Variants in TRPM6 observed in about 807,000 individuals in gnomAD.
The protein encoded by TRPM6 is channel kinase 2.
TRPM6 carries 111 observed loss-of-function variants against 247.6 expected under a neutral mutation model. The ratio of observed to expected loss-of-function variants is 0.45; its 90% CI spans 0.38 to 0.52. The LOEUF (loss-of-function observed/expected upper bound fraction) is 0.52, where lower values mean the gene tolerates loss of function less well. Ranked by LOEUF, TRPM6 falls within the 20% of genes least tolerant of loss-of-function variation. The pLI is 0.00. For synonymous variants in TRPM6, 892 were observed against 853.8 expected, an observed-to-expected ratio of 1.04 and a Z score of -0.78; for missense variants, 2,126 against 2,421.5, an observed-to-expected ratio of 0.88 and a Z score of 2.56.
At chr9:74,842,443 T>TCTTAAAA in intron 3 of TRPM6, 100 bp from the exon 4 acceptor site, 1 of 1,168,198 alleles carries the variant, frequency 8.6e-7, no homozygotes, top group East Asian at 2.4e-5. Context: ...ATATACTATT[T>TCTTAAAA]CTTAAAACTT....
At chr9:74,748,278 A>G (rs7870465) in intron 30 of TRPM6, among the ~76,000 whole-genome samples, 3,124 of 152,302 alleles carry the variant, frequency 0.021, 106 homozygotes, top group African/African-American at 0.072. Context: ...AGCACATAAT[A>G]CTTGATGATC....
chr9:74,853,814 G>A (rs1350388499), intron 3 of TRPM6, among the ~76,000 whole-genome samples: 1 of 151,902 alleles, frequency 6.6e-6, no homozygotes, highest in African/African-American at 2.4e-5. Context: ...CTATGACCCT[G>A]CCAAATCCCC....
chr9:74,813,380 T>C (rs1828804484), intron 11 of TRPM6, among the ~76,000 whole-genome samples: 1 of 152,204 alleles, frequency 6.6e-6, no homozygotes, highest in African/African-American at 2.4e-5. Flanking sequence ...AGATTTATAC[T>C]ACAGAATTCC....
At chr9:74,875,266 G>A (rs372594233) in intron 1 of TRPM6, 80 of 455,178 alleles carry the variant, frequency 1.8e-4, no homozygotes, top group South Asian at 9.5e-4. Flanking sequence ...AGGAGGGCTG[G>A]GTGTGGTGAC....
intron 32 of TRPM6, among the ~76,000 whole-genome samples, chr9:74,742,884 T>C (rs1338037683): frequency 6.6e-6 from 1 of 152,224 alleles, no homozygotes; most frequent in Non-Finnish European, 1.5e-5. Flanking sequence ...TCCACTCTCC[T>C]GAATACCAAA....
chr9:74,735,305 G>T (rs1320781402), intron 36 of TRPM6, among the ~76,000 whole-genome samples: 2 of 151,956 alleles, frequency 1.3e-5, no homozygotes, highest in Admixed American at 1.3e-4. Context: ...GAAAAGAGCA[G>T]CCCCAAGTAC....
At chr9:74,838,284 C>T (rs919770786) in intron 5 of TRPM6, among the ~76,000 whole-genome samples, 1 of 152,192 alleles carries the variant, frequency 6.6e-6, no homozygotes, top group Non-Finnish European at 1.5e-5. Context: ...AACTTCCCTA[C>T]CCACCCACTT....
intron 27 of TRPM6, among the ~76,000 whole-genome samples, chr9:74,759,065 C>A (rs891855746): frequency 1.6e-4 from 25 of 151,940 alleles, no homozygotes; most frequent in African/African-American, 6.0e-4. Context: ...AAAATATGTG[C>A]AAGATCAGTA....
intron 8 of TRPM6, 36 bp downstream of exon 8, chr9:74,821,633 C>A: frequency 6.2e-7 from 1 of 1,612,484 alleles, no homozygotes; most frequent in African/African-American, 1.3e-5. Flanking sequence ...AATAAACAGC[C>A]CCTATAGTTT....
intron 27 of TRPM6, among the ~76,000 whole-genome samples, chr9:74,759,084 G>A (rs780422592): frequency 5.9e-5 from 9 of 152,096 alleles, no homozygotes; most frequent in Non-Finnish European, 1.3e-4. Flanking sequence ...TAGTCTAAAA[G>A]CTATAAAACA....
intron 1 of TRPM6, among the ~76,000 whole-genome samples, chr9:74,875,048 A>C (rs1035147116): frequency 7.9e-5 from 12 of 152,032 alleles, no homozygotes; most frequent in African/African-American, 2.7e-4. Flanking sequence ...TACAGGCATA[A>C]GCCACCATGC....
At position 74,778,475 on chromosome 9, in the gene TRPM6, T is replaced by C. The variant is rs139216243; in HGVS notation, c.3210-2399A>G. ...CATGTTGGCTCAGGGGGCACCAGCT[T>C]TGTGCTGCCTCCATAATAGGCAGGA... On this transcript the variant is annotated intron_variant, in intron 23 of 38. Coordinates refer to ENST00000360774, the MANE Select transcript of TRPM6 (RefSeq NM_017662.5). Among the ~76,000 whole-genome samples, 555 of 152,258 alleles carry C rather than the reference T, an allele frequency of 3.6e-3. 2 individuals are homozygous for C. The highest frequency in any genetic ancestry group is 0.013 in the African/African-American group (536 of 41,550).
intron 24 of TRPM6, among the ~76,000 whole-genome samples, chr9:74,774,602 C>A (rs189251326): frequency 1.8e-4 from 27 of 152,242 alleles, no homozygotes; most frequent in African/African-American, 6.3e-4. Flanking sequence ...ATGACCTGTC[C>A]CCCTAAGGAC....
At chr9:74,852,774 G>A (rs1830378237) in intron 3 of TRPM6, among the ~76,000 whole-genome samples, 1 of 152,196 alleles carries the variant, frequency 6.6e-6, no homozygotes, top group South Asian at 2.1e-4. Flanking sequence ...ATTGCAGACG[G>A]AGTCTCGCTC....
Position 74,752,438 on chromosome 9 carries a change from T to A in TRPM6, c.4907-70A>T, listed in dbSNP as rs7868319. ...TTACATTCAAATCACAGTTCCCAAA[T>A]AGAAAAATCTGAACACAGTACATTC... On this transcript the variant is annotated intron_variant, in intron 28 of 38. Transcript: ENST00000360774. The A allele has an allele frequency of 1.8e-3, 1,577 of 889,596 alleles. 16 individuals are homozygous for A. The African/African-American group carries it at 0.021, about 12-fold the overall frequency. 55.1% of individuals were successfully genotyped at this position (889,596 alleles called of 1,614,324 possible).
intron 25 of TRPM6, among the ~76,000 whole-genome samples, chr9:74,768,647 T>A (rs1826909094): frequency 6.6e-6 from 1 of 152,232 alleles, no homozygotes; most frequent in African/African-American, 2.4e-5. Flanking sequence ...ATCCTTAACA[T>A]GCCTAATGAA....
At chr9:74,770,988 A>G (rs1436970766) in intron 25 of TRPM6, among the ~76,000 whole-genome samples, 1 of 151,930 alleles carries the variant, frequency 6.6e-6, no homozygotes, top group Non-Finnish European at 1.5e-5. Context: ...CGCCAACTCC[A>G]CTGCACAACA....
At chr9:74,730,130 G>C (rs1825473055) in intron 37 of TRPM6, among the ~76,000 whole-genome samples, 1 of 152,154 alleles carries the variant, frequency 6.6e-6, no homozygotes. Context: ...AATACAAGTA[G>C]CTGTTTTCCA....
At chr9:74,886,751 T>C (rs1831543774) in intron 1 of TRPM6, among the ~76,000 whole-genome samples, 1 of 152,194 alleles carries the variant, frequency 6.6e-6, no homozygotes, top group Admixed American at 6.5e-5. Flanking sequence ...GCATGTAGCA[T>C]TTCAATTCAT....
Sources: gnomAD v4.1 joint callset for allele counts (sites outside exome capture counted in the v4.1 genomes callset) on GRCh38, gnomAD v4.1.1 for gene constraint, MANE v1.5 for transcripts, NCBI Gene and HGNC (gene_info 2026-07-23, HGNC 2026-07-21) for gene names.